The following CACNA2D3 variants were observed in gnomAD, a reference collection of about 807,000 sequenced individuals.
CACNA2D3 encodes calcium voltage-gated channel auxiliary subunit alpha2delta 3.
CACNA2D3 carries 60 observed loss-of-function variants against 160.6 expected under a neutral mutation model. The observed-to-expected ratio is 0.37, with a 90% confidence interval of 0.30 to 0.46. The LOEUF (loss-of-function observed/expected upper bound fraction) is 0.46, where lower values mean the gene tolerates loss of function less well. CACNA2D3 is among the 20% of genes least tolerant of loss of function. The pLI, the probability that CACNA2D3 is intolerant of heterozygous loss-of-function variation, is 1.00. For missense variants in CACNA2D3, 1,205 were observed against 1,365.0 expected (o/e 0.88, Z 1.85); for synonymous variants, 558 against 492.9 (o/e 1.13, Z -1.75).
chr3:54,650,974 G>A (rs1292049494), intron 11 of CACNA2D3, among the ~76,000 whole-genome samples: 1 of 152,150 alleles, frequency 6.6e-6, no homozygotes, highest in Admixed American at 6.5e-5. Context: ...CCCTTTCACA[G>A]TTGAGGAAAC....
intron 9 of CACNA2D3, among the ~76,000 whole-genome samples, chr3:54,605,681 A>G (rs969901345): frequency 2.0e-5 from 3 of 152,158 alleles, no homozygotes; most frequent in Non-Finnish European, 4.4e-5. Flanking sequence ...TGTAAGTTCT[A>G]TGAGGCCAGA....
At position 54,677,112 on chromosome 3, in the gene CACNA2D3, C is replaced by T. The variant is rs79116434; in HGVS notation, c.1167+34871C>T. 4.2e-3 allele frequency among the ~76,000 whole-genome samples: 640 copies of T among 152,306 alleles called. 5 individuals carry two copies. The highest frequency in any genetic ancestry group is 0.015 in the African/African-American group (604 of 41,564). ...ATAAATAGATATCCCTGGAATAAAACTTACATGATTAAGTTTACAAGCTTT... is the reference window on the plus strand; with the variant it reads ...ATAAATAGATATCCCTGGAATAAAATTTACATGATTAAGTTTACAAGCTTT... On this transcript the variant is annotated intron_variant, in intron 11 of 37. Coordinates refer to ENST00000474759, the MANE Select transcript of CACNA2D3 (RefSeq NM_018398.3).
intron 35 of CACNA2D3, among the ~76,000 whole-genome samples, chr3:55,027,212 C>T (rs189196072): frequency 7.6e-4 from 116 of 152,274 alleles, no homozygotes; most frequent in African/African-American, 2.8e-3. Context: ...TAAAAAAGGA[C>T]CCATAAACAG....
chr3:54,148,297 A>G (rs941514181), intron 2 of CACNA2D3, among the ~76,000 whole-genome samples: 1 of 152,224 alleles, frequency 6.6e-6, no homozygotes, highest in Non-Finnish European at 1.5e-5. Flanking sequence ...ACACAGAATC[A>G]GACTTCAGAA....
At chr3:54,184,661 T>C (rs1304763738) in intron 2 of CACNA2D3, among the ~76,000 whole-genome samples, 2 of 152,230 alleles carry the variant, frequency 1.3e-5, no homozygotes, top group East Asian at 1.9e-4. Context: ...TGTGGGTTAT[T>C]ATCATACTCG....
intron 17 of CACNA2D3, among the ~76,000 whole-genome samples, chr3:54,851,372 A>T (rs1041882726): frequency 3.9e-5 from 6 of 152,174 alleles, no homozygotes; most frequent in Non-Finnish European, 8.8e-5. Flanking sequence ...CTTCTCTAAG[A>T]TGAAGGTAAA....
chr3:54,714,948 TGA>T (rs1162389837), intron 11 of CACNA2D3, among the ~76,000 whole-genome samples: 2 of 152,216 alleles, frequency 1.3e-5, no homozygotes, highest in Non-Finnish European at 2.9e-5. Flanking sequence ...CCTGGATGTC[TGA>T]GTTTTTTCTC....
At chr3:54,759,534 A>G (rs2107084258) in intron 12 of CACNA2D3, among the ~76,000 whole-genome samples, 1 of 152,158 alleles carries the variant, frequency 6.6e-6, no homozygotes, top group South Asian at 2.1e-4. Context: ...TTGGAATCAA[A>G]TGTGCATAAG....
At chr3:54,783,008 T>A (rs1028962717) in intron 13 of CACNA2D3, among the ~76,000 whole-genome samples, 5 of 152,128 alleles carry the variant, frequency 3.3e-5, no homozygotes, top group Non-Finnish European at 7.4e-5. Context: ...ATTTACTTGA[T>A]GAGGAAGCTG....
chr3:54,173,914 C>T (rs1331510132), intron 2 of CACNA2D3, among the ~76,000 whole-genome samples: 1 of 152,176 alleles, frequency 6.6e-6, no homozygotes, highest in East Asian at 1.9e-4. Context: ...ATGCAGATTC[C>T]TGGGCCTCTG....
intron 29 of CACNA2D3, among the ~76,000 whole-genome samples, chr3:54,972,890 C>T (rs753850891): frequency 6.6e-6 from 1 of 152,186 alleles, no homozygotes. Flanking sequence ...TCCTTCAAGA[C>T]ATCTTTACCG....
intron 21 of CACNA2D3, among the ~76,000 whole-genome samples, chr3:54,883,363 A>G (rs1387143992): frequency 6.6e-6 from 1 of 152,194 alleles, no homozygotes; most frequent in East Asian, 1.9e-4. Context: ...TAATTGTTCA[A>G]CAAATTAGAG....
At chr3:54,778,160 A>G (rs1425239930) in intron 13 of CACNA2D3, among the ~76,000 whole-genome samples, 1 of 152,030 alleles carries the variant, frequency 6.6e-6, no homozygotes, top group East Asian at 1.9e-4. Flanking sequence ...GAGAGTGGGG[A>G]GCTGCTACAC....
In CACNA2D3 at chr3:54,602,517, A is replaced by G. The variant is rs1214934337; in HGVS notation, c.963+20640A>G. On this transcript the variant is annotated intron_variant, in intron 9 of 37. Transcript: ENST00000474759. ...CATCTCAAAAAAAAAAAAAAAAAAA[A>G]AAAAGGGAAAAAAGAAAAAAGAGAG... Among the ~76,000 whole-genome samples, 7 of 151,614 alleles carry G rather than the reference A, an allele frequency of 4.6e-5. No individual in the cohort carries two copies. In the East Asian group the frequency reaches 1.4e-3, roughly 29 times the overall value.
chr3:54,725,029 T>G (rs1559559942), intron 11 of CACNA2D3, among the ~76,000 whole-genome samples: 1 of 151,374 alleles, frequency 6.6e-6, no homozygotes, highest in East Asian at 1.9e-4. Flanking sequence ...GCCAGACTAA[T>G]AAGAAAAGAG....
At chr3:55,002,414 G>A (rs1703003104) in intron 31 of CACNA2D3, among the ~76,000 whole-genome samples, 1 of 152,234 alleles carries the variant, frequency 6.6e-6, no homozygotes, top group Non-Finnish European at 1.5e-5. Flanking sequence ...TCTCCTGAGT[G>A]AGGATGGAGA....
At chr3:54,910,985 G>T (rs993943918) in intron 27 of CACNA2D3, among the ~76,000 whole-genome samples, 1 of 152,060 alleles carries the variant, frequency 6.6e-6, no homozygotes, top group East Asian at 1.9e-4. Context: ...CACGTATCTT[G>T]TGCCCAATCC....
rs149585037 is a variant in CACNA2D3, at chr3:54,941,436, T to C, written c.2450-27014T>C. On this transcript the variant is annotated intron_variant, in intron 27 of 37. Coordinates refer to ENST00000474759, the MANE Select transcript of CACNA2D3 (RefSeq NM_018398.3). ...ACGGACGCTATTTTCAAACTACTTATTGGCCCAGGGATGGGGCTTTAAGAC... is the reference window on the plus strand; with the variant it reads ...ACGGACGCTATTTTCAAACTACTTACTGGCCCAGGGATGGGGCTTTAAGAC... 5.5e-3 allele frequency among the ~76,000 whole-genome samples: 834 copies of C among 152,318 alleles called. 24 individuals carry two copies. The highest frequency in any genetic ancestry group is 2.1e-3 in the Non-Finnish European group (143 of 68,024).
intron 3 of CACNA2D3, among the ~76,000 whole-genome samples, chr3:54,375,243 T>C (rs1178948838): frequency 6.6e-6 from 1 of 152,218 alleles, no homozygotes; most frequent in East Asian, 1.9e-4. Flanking sequence ...AGTTGTCTAC[T>C]GGTTTCTTTC....
Sources: allele counts gnomAD v4.1 joint callset (sites outside exome capture counted in the v4.1 genomes callset), GRCh38; gene constraint gnomAD v4.1.1; transcripts MANE v1.5; gene names NCBI Gene and HGNC (gene_info 2026-07-23, HGNC 2026-07-21).